The following TMEM132B variants were observed in gnomAD, a reference collection of about 807,000 sequenced individuals.
TMEM132B encodes transmembrane protein 132B.
Under a neutral mutation model 90.8 loss-of-function variants are expected in TMEM132B, and 18 were observed. The observed-to-expected ratio is 0.20, with a 90% CI of 0.14 to 0.29. TMEM132B has a LOEUF of 0.29. Among genes scored for constraint, TMEM132B ranks in the 10% least tolerant of loss-of-function variants. The pLI is 1.00. For missense variants in TMEM132B, 1,096 were observed against 1,326.8 expected (o/e 0.83, Z 2.70); for synonymous variants, 504 against 523.3 (o/e 0.96, Z 0.50).
At chr12:125,449,724 C>T (rs1179870402) in intron 3 of TMEM132B, among the ~76,000 whole-genome samples, 10 of 151,532 alleles carry the variant, frequency 6.6e-5, no homozygotes, top group Middle Eastern at 6.8e-3. Flanking sequence ...TCTCACAGTT[C>T]CAGGCACTAG....
rs11058151 is a variant in TMEM132B, at chr12:125,360,032, C to T, written c.959+9689C>T. 0.014 allele frequency among the ~76,000 whole-genome samples: 2,104 copies of T among 152,280 alleles called. 155 individuals carry two copies. The East Asian group carries it at 0.2, about 15-fold the overall frequency. On this transcript the variant is annotated intron_variant, in intron 2 of 8. Transcript: ENST00000682704. ...GGTGGAGGTTGCAGTGAGCTGAGAT[C>T]GTGCCACTGTACACCAGCCTGGCGA...
rs571266199 is a variant in TMEM132B, at chr12:125,472,590, A to G, written c.1107-46849A>G. Among the ~76,000 whole-genome samples, 27 of 152,238 alleles carry G rather than the reference A, an allele frequency of 1.8e-4. No homozygotes were observed. The South Asian group carries it at 5.2e-3, about 29-fold the overall frequency. ...CTGAATATCTGTGTTCCCTTCTCCA[A>G]CTTTCATATGTTGAAAGTTAATTCT... On this transcript the variant is annotated intron_variant, in intron 3 of 8. Coordinates refer to ENST00000682704, the MANE Select transcript of TMEM132B (RefSeq NM_001366854.1).
chr12:125,575,147 C>T (rs1884913168), intron 4 of TMEM132B, among the ~76,000 whole-genome samples: 1 of 142,010 alleles, frequency 7.0e-6, no homozygotes, highest in African/African-American at 2.6e-5. Flanking sequence ...AAGCACCAAA[C>T]TTTTCCACAG....
chr12:125,328,695 G>A (rs1015551521), intron 1 of TMEM132B, among the ~76,000 whole-genome samples: 9 of 152,170 alleles, frequency 5.9e-5, no homozygotes, highest in African/African-American at 1.9e-4. Context: ...AATATGACCT[G>A]CTTACATCAT....
intron 3 of TMEM132B, among the ~76,000 whole-genome samples, chr12:125,489,354 AT>A (rs1882290582): frequency 6.6e-6 from 1 of 151,890 alleles, no homozygotes. Flanking sequence ...TAGTATAAAT[AT>A]TTTTTAATTA....
intron 3 of TMEM132B, among the ~76,000 whole-genome samples, chr12:125,516,275 C>T (rs17435555): frequency 0.17 from 25,271 of 152,152 alleles, 2,591 homozygotes; most frequent in Non-Finnish European, 0.24. Flanking sequence ...TCCTGAAAGG[C>T]GGTTGTAATT....
At chr12:125,639,485 G>A (rs1194390812) in intron 5 of TMEM132B, among the ~76,000 whole-genome samples, 1 of 152,184 alleles carries the variant, frequency 6.6e-6, no homozygotes, top group East Asian at 1.9e-4. Context: ...AACTTCTATG[G>A]CGCTGTGCTA....
rs572178210 is a variant in TMEM132B, at chr12:125,649,199, CT to C, written c.1644-1481del. ...ACCATTTTATAAATGGTTCTCAGAC[CT>C]TTCAGGGAGGCGGAATGTCATATAG... On this transcript the variant is annotated intron_variant, in intron 6 of 8. Coordinates refer to ENST00000682704, the MANE Select transcript of TMEM132B (RefSeq NM_001366854.1). Among the ~76,000 whole-genome samples, 26 of 152,268 alleles carry C rather than the reference CT, an allele frequency of 1.7e-4. No individual in the cohort carries two copies. The South Asian group carries it at 5.4e-3, about 32-fold the overall frequency.
chr12:125,490,516 T>G lies in TMEM132B; in HGVS notation c.1107-28923T>G, dbSNP rs531864740. On this transcript the variant is annotated intron_variant, in intron 3 of 8. Transcript: ENST00000682704. This position sits in a 1 kb window ranked among gnomAD's most constrained non-coding sequence, Gnocchi z 4.2. ...CCTTGCTCTGTCACCCAGGCTGGAG[T>G]GCAGTGGCTTGATCTCAGCTCACTG... Among the ~76,000 whole-genome samples, 31 of 152,234 alleles carry G rather than the reference T, an allele frequency of 2.0e-4. 1 individual carries two copies. The South Asian group carries it at 6.2e-3, about 31-fold the overall frequency.
At chr12:125,634,445 G>A (rs1886436212) in intron 5 of TMEM132B, among the ~76,000 whole-genome samples, 1 of 152,158 alleles carries the variant, frequency 6.6e-6, no homozygotes, top group Admixed American at 6.5e-5. Flanking sequence ...GGTACCTAAG[G>A]TGCAAGAGAA....
intron 1 of TMEM132B, among the ~76,000 whole-genome samples, chr12:125,268,481 G>A (rs149884208): frequency 2.0e-5 from 3 of 152,320 alleles, no homozygotes; most frequent in African/African-American, 7.2e-5. Flanking sequence ...GCTATACAGC[G>A]TGAGAAAAAT....
At chr12:125,651,376 A>G (rs1304923755) in intron 7 of TMEM132B, among the ~76,000 whole-genome samples, 1 of 152,238 alleles carries the variant, frequency 6.6e-6, no homozygotes, top group African/African-American at 2.4e-5. Context: ...TACAGTAGAC[A>G]AAAGTTTTTA....
At chr12:125,629,782 A>G (rs542928431) in intron 5 of TMEM132B, among the ~76,000 whole-genome samples, 2 of 152,260 alleles carry the variant, frequency 1.3e-5, no homozygotes, top group Admixed American at 6.5e-5. Context: ...GGTCTGTGGT[A>G]TATGGCTTTT....
intron 1 of TMEM132B, among the ~76,000 whole-genome samples, chr12:125,348,340 T>A (rs1877431269): frequency 6.6e-6 from 1 of 152,224 alleles, no homozygotes; most frequent in Non-Finnish European, 1.5e-5. Flanking sequence ...ATTTTGTTTT[T>A]TCTTGAGACA....
At chr12:125,268,957 T>C (rs1373207630) in intron 1 of TMEM132B, among the ~76,000 whole-genome samples, 1 of 152,218 alleles carries the variant, frequency 6.6e-6, no homozygotes, top group Non-Finnish European at 1.5e-5. Context: ...TAGTTTTTGA[T>C]CTTAGAGGCT....
intron 5 of TMEM132B, among the ~76,000 whole-genome samples, chr12:125,591,464 C>T (rs562839517): frequency 1.3e-5 from 2 of 152,286 alleles, no homozygotes; most frequent in Non-Finnish European, 1.5e-5. Flanking sequence ...CTGCCTCCCT[C>T]TTACAAGGAC....
chr12:125,573,044 G>C (rs928655508), intron 4 of TMEM132B, among the ~76,000 whole-genome samples: 1 of 152,034 alleles, frequency 6.6e-6, no homozygotes, highest in African/African-American at 2.4e-5. Context: ...GGATATATCA[G>C]GCTCATGTTC....
chr12:125,389,479 C>T (rs1290353709), intron 2 of TMEM132B, among the ~76,000 whole-genome samples: 2 of 152,118 alleles, frequency 1.3e-5, no homozygotes, highest in Non-Finnish European at 1.5e-5. Context: ...AGCCACCACA[C>T]TTCCTGGGCT....
chr12:125,433,827 G>A (rs552413719), intron 3 of TMEM132B, among the ~76,000 whole-genome samples: 8 of 152,036 alleles, frequency 5.3e-5, no homozygotes, highest in South Asian at 2.1e-4. Flanking sequence ...TGCCTACGCC[G>A]AAGCCTTTTT....
Sources: gnomAD v4.1 joint callset for allele counts (sites outside exome capture counted in the v4.1 genomes callset) on GRCh38, gnomAD v4.1.1 for gene constraint, Gnocchi (gnomAD v3.1) non-coding constraint, MANE v1.5 for transcripts, NCBI Gene and HGNC (gene_info 2026-07-23, HGNC 2026-07-21) for gene names.